The following ARHGAP26 variants were observed in gnomAD, a reference collection of about 807,000 sequenced individuals.
ARHGAP26 encodes the protein rho GTPase-activating protein 26.
Under a neutral mutation model 104.8 loss-of-function variants are expected in ARHGAP26, and 38 were observed. That is an observed-to-expected ratio of 0.36 (90% CI 0.28 to 0.48). The LOEUF is 0.48. ARHGAP26 is among the 20% of genes least tolerant of loss of function. The pLI, the probability that ARHGAP26 is intolerant of heterozygous loss-of-function variation, is 0.99. For missense variants in ARHGAP26, 704 were observed against 947.9 expected (o/e 0.74, Z 3.38); for synonymous variants, 341 against 340.0 (o/e 1.00, Z -0.03).
chr5:142,791,941 C>G (rs1161541707), intron 1 of ARHGAP26, among the ~76,000 whole-genome samples: 10 of 65,154 alleles, frequency 1.5e-4, no homozygotes, highest in Non-Finnish European at 2.5e-4. Flanking sequence ...AAACCCGTCT[C>G]AAAAAAAAAA....
chr5:143,014,982 G>T (rs576382496), intron 12 of ARHGAP26, among the ~76,000 whole-genome samples: 1 of 152,230 alleles, frequency 6.6e-6, no homozygotes, highest in Non-Finnish European at 1.5e-5. Context: ...GGATGAAGTT[G>T]TTTTTTTGTG....
At chr5:142,968,577 T>C (rs903236069) in intron 11 of ARHGAP26, among the ~76,000 whole-genome samples, 1 of 152,244 alleles carries the variant, frequency 6.6e-6, no homozygotes, top group Non-Finnish European at 1.5e-5. Context: ...TGACTATCTT[T>C]TCAGTCCTCT....
At chr5:142,992,891 G>A (rs1386946269) in intron 11 of ARHGAP26, among the ~76,000 whole-genome samples, 1 of 152,244 alleles carries the variant, frequency 6.6e-6, no homozygotes, top group Non-Finnish European at 1.5e-5. Flanking sequence ...ACAACTGTAA[G>A]TGAGCAATTT....
At chr5:143,221,649 A>G (rs1260719699) in intron 22 of ARHGAP26, among the ~76,000 whole-genome samples, 5 of 152,068 alleles carry the variant, frequency 3.3e-5, no homozygotes, top group Non-Finnish European at 7.4e-5. Flanking sequence ...CCCTCCTCCA[A>G]GTAGCTGGGA....
chr5:142,907,872 TAAA>T, intron 9 of ARHGAP26, 68 bp downstream of exon 9: 1 of 1,088,574 alleles, frequency 9.2e-7, no homozygotes, highest in Non-Finnish European at 1.4e-6. Context: ...AATGCATGTA[TAAA>T]GTAACACCTC....
intron 11 of ARHGAP26, among the ~76,000 whole-genome samples, chr5:142,965,932 G>A (rs541552253): frequency 2.0e-5 from 3 of 152,300 alleles, no homozygotes; most frequent in Non-Finnish European, 2.9e-5. Flanking sequence ...TAAAGGGCCT[G>A]TAAAAATTTT....
intron 11 of ARHGAP26, among the ~76,000 whole-genome samples, chr5:142,977,720 CA>C (rs1292678771): frequency 6.6e-6 from 1 of 152,168 alleles, no homozygotes; most frequent in Non-Finnish European, 1.5e-5. Flanking sequence ...GGAGAGGAAG[CA>C]AAAACATTTC....
chr5:142,804,251 A>G (rs190256848), intron 1 of ARHGAP26, among the ~76,000 whole-genome samples: 28 of 152,362 alleles, frequency 1.8e-4, no homozygotes, highest in African/African-American at 5.0e-4. Context: ...CCAATATTAT[A>G]TACACACACA....
intron 19 of ARHGAP26, among the ~76,000 whole-genome samples, chr5:143,145,662 G>A (rs17287613): frequency 0.023 from 3,560 of 152,206 alleles, 73 homozygotes; most frequent in Middle Eastern, 0.048. Flanking sequence ...CTTTGTTGTC[G>A]TTTCTGTTCA....
At chr5:143,082,469 T>C (rs1789968010) in intron 17 of ARHGAP26, among the ~76,000 whole-genome samples, 1 of 152,240 alleles carries the variant, frequency 6.6e-6, no homozygotes, top group Non-Finnish European at 1.5e-5. Context: ...GTTGAAAACC[T>C]GTTATATGTC....
rs1028565852 is a variant in ARHGAP26 at position 143,225,949 on chromosome 5, C to T, written c.*3503C>T. The T allele has an allele frequency of 4.6e-6, 1 of 219,330 alleles. No individual in the cohort carries two copies. Among genetic ancestry groups the T allele is most frequent in the Non-Finnish European group, 9.2e-6 (1 of 109,040 alleles). The allele number at this position is 219,330 out of a possible 1,614,324, so 13.6% of individuals were successfully genotyped here. A position where few individuals can be genotyped will look rare whatever the true frequency, so the allele number is the denominator to read the frequency against. On this transcript the variant is annotated 3_prime_UTR_variant, in exon 23 of 23. Coordinates refer to ENST00000645722, the MANE Select transcript of ARHGAP26 (RefSeq NM_001135608.3). ...TGAAGACTAAAGATTTTACTCTCTC[C>T]CCTATCCATGCCCCCTACCTCTGAC...
chr5:143,151,590 A>G (rs75668842), intron 20 of ARHGAP26, among the ~76,000 whole-genome samples: 1,591 of 152,342 alleles, frequency 0.01, 33 homozygotes, highest in African/African-American at 0.036. Flanking sequence ...ATATTATTCA[A>G]TGATTTTAAA....
intron 22 of ARHGAP26, among the ~76,000 whole-genome samples, chr5:143,215,323 C>T (rs1810179233): frequency 6.6e-6 from 1 of 152,258 alleles, no homozygotes; most frequent in Non-Finnish European, 1.5e-5. Flanking sequence ...ATGTTTCTAA[C>T]AACCATTCCC....
intron 11 of ARHGAP26, among the ~76,000 whole-genome samples, chr5:142,993,931 A>C (rs1562224068): frequency 6.6e-6 from 1 of 152,050 alleles, no homozygotes; most frequent in Non-Finnish European, 1.5e-5. Flanking sequence ...TCACTTCCCA[A>C]AGTGCTGGGA....
rs1403659310 is a variant in ARHGAP26, at chr5:142,932,139, C to T, written c.1107+14C>T. The stretch of plus-strand genomic sequence containing the variant: ...GGCCGGGAACCTGTAAGTAACAATT[C>T]AGGGAAGTAGAGCAAGAATGAAGGC... On this transcript the variant is annotated intron_variant, in intron 11 of 22. Coordinates refer to ENST00000645722, the MANE Select transcript of ARHGAP26 (RefSeq NM_001135608.3). 3 of 1,612,826 alleles carry T rather than the reference C, an allele frequency of 1.9e-6. No individual in the cohort carries two copies. Among genetic ancestry groups the T allele is most frequent in the Non-Finnish European group, 8.5e-7 (1 of 1,178,852 alleles).
intron 17 of ARHGAP26, among the ~76,000 whole-genome samples, chr5:143,088,763 T>C (rs7714015): frequency 6.6e-6 from 1 of 152,200 alleles, no homozygotes; most frequent in African/African-American, 2.4e-5. Flanking sequence ...CCCTGACATA[T>C]GTGATCCCTG....
At chr5:142,885,982 G>A (rs1757644540) in intron 5 of ARHGAP26, among the ~76,000 whole-genome samples, 2 of 152,080 alleles carry the variant, frequency 1.3e-5, no homozygotes, top group African/African-American at 4.8e-5. Context: ...GGGTTTGCAT[G>A]GTGTCTTTTA....
At chr5:143,041,755 G>T in intron 13 of ARHGAP26, 61 bp from the exon 14 acceptor site, 1 of 1,273,626 alleles carries the variant, frequency 7.9e-7, no homozygotes, top group South Asian at 1.3e-5. Context: ...CATTTGGCTG[G>T]ATTGGCCTGA....
At position 142,804,407 on chromosome 5, in the gene ARHGAP26, C is replaced by T. The variant is rs141802352; in HGVS notation, c.154+33492C>T. ...TAGTTTTCATTCATTCACTCACCCA[C>T]TCACTCATTGGCTCACTCACTGAAT... On this transcript the variant is annotated intron_variant, in intron 1 of 22. Transcript: ENST00000645722. Among the ~76,000 whole-genome samples the T allele has an allele frequency of 3.1e-3, 472 of 152,346 alleles. 2 individuals carry two copies. Among genetic ancestry groups the T allele is most frequent in the African/African-American group, 0.011 (443 of 41,588 alleles).
Sources: allele counts gnomAD v4.1 joint callset (sites outside exome capture counted in the v4.1 genomes callset), GRCh38; gene constraint gnomAD v4.1.1; transcripts MANE v1.5; gene names NCBI Gene and HGNC (gene_info 2026-07-23, HGNC 2026-07-21).